YTHDF1: variants seen among roughly 807,000 people sequenced by gnomAD.
YTHDF1 encodes the protein YTH N6-methyladenosine RNA binding protein F1, also known as YTH domain-containing family protein 1.
Under a neutral mutation model 49.1 loss-of-function variants are expected in YTHDF1, and 16 were observed. The observed-to-expected ratio is 0.33, with a 90% CI of 0.22 to 0.49. The LOEUF (loss-of-function observed/expected upper bound fraction) is 0.49, where lower values mean the gene tolerates loss of function less well. YTHDF1 is among the 20% of genes least tolerant of loss of function. The pLI is 0.99. For missense variants in YTHDF1, 621 were observed against 744.3 expected (o/e 0.83, Z 1.93); for synonymous variants, 313 against 290.1 (o/e 1.08, Z -0.80).
Position 63,215,584 on chromosome 20 carries a change from A to T in YTHDF1, c.45T>A (p.Asp15Glu). ...SVDTQRTKGQDNKVQNGSLHQ... is the reference protein window; with the variant it reads ...SVDTQRTKGQENKVQNGSLHQ... ...TCCCGGGACTCCGCTCACCTTTATT[A>T]TCTTGTCCTTTTGTTCTCTGCACCG... is the stretch of plus-strand genomic sequence containing the variant. The change falls in exon 2 of 5, where the codon GAT (aspartate) becomes GAA (glutamate). Residue 15 changes from aspartate to glutamate, a missense_variant. By Grantham distance (45) the Asp-to-Glu change is conservative (BLOSUM62 2). Transcript: ENST00000370339. 6.2e-7 allele frequency: 1 copy of T among 1,612,180 alleles called. No homozygotes were observed. The highest frequency in any genetic ancestry group is 1.1e-5 in the South Asian group (1 of 91,020).
At chr20:63,215,115 T>C (rs189814703) in intron 2 of YTHDF1, among the ~76,000 whole-genome samples, 8 of 152,332 alleles carry the variant, frequency 5.3e-5, no homozygotes, top group Admixed American at 4.6e-4. Context: ...AGTTTTCACA[T>C]GAGTGCGCTC....
intron 2 of YTHDF1, 35 bp from the exon 3 acceptor site, chr20:63,213,978 T>C (rs1209404089): frequency 3.8e-6 from 6 of 1,562,156 alleles, no homozygotes; most frequent in Non-Finnish European, 5.2e-6. Context: ...TACCCTCAAA[T>C]TTTAAAAGAT....
chr20:63,210,807 G>C (rs1203062480), intron 3 of YTHDF1, among the ~76,000 whole-genome samples: 3 of 152,006 alleles, frequency 2.0e-5, no homozygotes, highest in East Asian at 3.9e-4. Flanking sequence ...AAAAAAGAGA[G>C]AAAATCACAA....
At position 63,195,772 on chromosome 20, in the gene YTHDF1, T is replaced by C. The variant is rs976417235; in HGVS notation, c.*936A>G. ...AAAACATGACAGCAAATTCATCTTC[T>C]AAAAAAAGTTTTGTTTTGTTTTTAC... On this transcript the variant is annotated 3_prime_UTR_variant, in exon 5 of 5. Coordinates refer to ENST00000370339, the MANE Select transcript of YTHDF1 (RefSeq NM_017798.4). 2.0e-5 allele frequency: 3 copies of C among 152,110 alleles called. No homozygotes were observed. The highest frequency in any genetic ancestry group is 7.2e-5 in the African/African-American group (3 of 41,390). The allele number at this position is 152,110 out of a possible 1,614,324, so 9.4% of individuals were successfully genotyped here. A position where few individuals can be genotyped will look rare whatever the true frequency, so the allele number is the denominator to read the frequency against.
chr20:63,213,530 G>T (rs2066586101), intron 3 of YTHDF1, among the ~76,000 whole-genome samples: 2 of 152,298 alleles, frequency 1.3e-5, no homozygotes, highest in Middle Eastern at 6.8e-3. Context: ...ATCATCCAGA[G>T]CTAAGAATAA....
chr20:63,212,363 A>G (rs902856780), intron 3 of YTHDF1, among the ~76,000 whole-genome samples: 15 of 152,262 alleles, frequency 9.9e-5, no homozygotes, highest in Non-Finnish European at 1.9e-4. Context: ...AGAAGTTCTA[A>G]GACACCTCAG....
intron 2 of YTHDF1, 155 bp from the exon 3 acceptor site, chr20:63,214,098 T>C (rs748607533): frequency 9.9e-5 from 96 of 967,374 alleles, no homozygotes; most frequent in Middle Eastern, 5.2e-4. Context: ...CTGATGTTTA[T>C]ACAACTAATT....
intron 3 of YTHDF1, among the ~76,000 whole-genome samples, chr20:63,210,629 C>T (rs1377322152): frequency 6.6e-6 from 1 of 151,500 alleles, no homozygotes; most frequent in Non-Finnish European, 1.5e-5. Context: ...ACTAAAAATA[C>T]CAAAAAAAAT....
chr20:63,201,502 C>T (rs2066517107), intron 4 of YTHDF1, among the ~76,000 whole-genome samples: 1 of 152,170 alleles, frequency 6.6e-6, no homozygotes, highest in South Asian at 2.1e-4. Flanking sequence ...CATCTGAGCC[C>T]TTCTGAAGAG....
At chr20:63,206,848 G>A (rs2066548878) in intron 3 of YTHDF1, among the ~76,000 whole-genome samples, 1 of 152,226 alleles carries the variant, frequency 6.6e-6, no homozygotes, top group Non-Finnish European at 1.5e-5. Context: ...AAAACCTGGA[G>A]ATGCTGTCCT....
intron 3 of YTHDF1, among the ~76,000 whole-genome samples, chr20:63,205,716 C>T (rs1694531436): frequency 6.6e-6 from 1 of 152,160 alleles, no homozygotes; most frequent in African/African-American, 2.4e-5. Context: ...ATCATCTTTG[C>T]CAGGCTGGTC....
At chr20:63,211,544 CAA>C (rs2066574254) in intron 3 of YTHDF1, among the ~76,000 whole-genome samples, 1 of 152,124 alleles carries the variant, frequency 6.6e-6, no homozygotes, top group South Asian at 2.1e-4. Flanking sequence ...CTGTGTAAAT[CAA>C]AAGTTATAAA....
intron 3 of YTHDF1, among the ~76,000 whole-genome samples, chr20:63,207,111 T>C (rs1806895300): frequency 6.6e-6 from 1 of 152,238 alleles, no homozygotes; most frequent in Admixed American, 6.5e-5. Context: ...TCCCTCAACA[T>C]TCCTTAGTGC....
chr20:63,211,558 C>A (rs1037497897), intron 3 of YTHDF1, among the ~76,000 whole-genome samples: 9 of 152,174 alleles, frequency 5.9e-5, no homozygotes. Flanking sequence ...AGTTATAAAA[C>A]CATACTGTAT....
At chr20:63,198,808 C>G (rs1024340452) in intron 4 of YTHDF1, among the ~76,000 whole-genome samples, 6 of 152,214 alleles carry the variant, frequency 3.9e-5, no homozygotes, top group Non-Finnish European at 1.5e-5. Flanking sequence ...GGGGCACCTG[C>G]CGCCAGGGCA....
chr20:63,195,764 T>A lies in YTHDF1; in HGVS notation c.*944A>T, dbSNP rs1336242420. 6.6e-6 allele frequency: 1 copy of A among 152,144 alleles called. No individual in the cohort carries two copies. Among genetic ancestry groups the A allele is most frequent in the Non-Finnish European group, 1.5e-5 (1 of 68,014 alleles). 9.4% of individuals were successfully genotyped at this position (152,144 alleles called of 1,614,324 possible). A position where few individuals can be genotyped will look rare whatever the true frequency, so the allele number is the denominator to read the frequency against. On this transcript the variant is annotated 3_prime_UTR_variant, in exon 5 of 5. Transcript: ENST00000370339. ...CATTCCACAAAACATGACAGCAAAT[T>A]CATCTTCTAAAAAAAGTTTTGTTTT...
Position 63,213,930 on chromosome 20 carries a change from C to T in YTHDF1, c.66G>A (p.Ser22=), listed in dbSNP as rs778009857. 4.5e-5 allele frequency: 70 copies of T among 1,560,560 alleles called. No individual in the cohort carries two copies. The highest frequency in any genetic ancestry group is 5.4e-5 in the Non-Finnish European group (63 of 1,163,680). Residue 22 remains serine (S), a synonymous_variant, in exon 3 of 5, where the codon TCG becomes TCA. Transcript: ENST00000370339. ...CATGAACTGTATCCTTCTGATGTAA[C>T]GAACCATTTTGTACTAGAACAAAAA... The part of the protein sequence containing the change: ...KGQDNKVQNG[S]LHQKDTVHDN...
In YTHDF1 at chr20:63,203,904, A is replaced by C. The variant is rs1238776007; in HGVS notation, c.133-97T>G. The C allele has an allele frequency of 2.6e-6, 3 of 1,150,732 alleles. No homozygotes were observed. Among genetic ancestry groups the C allele is most frequent in the Non-Finnish European group, 3.6e-6 (3 of 825,908 alleles). 71.3% of individuals were successfully genotyped at this position (1,150,732 alleles called of 1,614,324 possible). On this transcript the variant is annotated intron_variant, in intron 3 of 4. Transcript: ENST00000370339. The surrounding 1 kb of genome is among the most constrained non-coding windows in gnomAD (Gnocchi z 4.4). The stretch of plus-strand genomic sequence containing the variant: ...CTTAAGCACAGGTGGAGCAAAAACA[A>C]AACCTGCACAGCATGGGGCTACTCC...
chr20:63,200,227 G>C (rs1160812699), intron 4 of YTHDF1, among the ~76,000 whole-genome samples: 10 of 151,910 alleles, frequency 6.6e-5, no homozygotes, highest in Non-Finnish European at 4.4e-5. Context: ...TGGGTGCAGT[G>C]GTGGGCGCCT....
Sources: allele counts gnomAD v4.1 joint callset (sites outside exome capture counted in the v4.1 genomes callset), GRCh38; gene constraint gnomAD v4.1.1; non-coding constraint Gnocchi (gnomAD v3.1); transcripts MANE v1.5; gene names NCBI Gene and HGNC (gene_info 2026-07-23, HGNC 2026-07-21).